DAPK1: variants seen among roughly 807,000 people sequenced by gnomAD.
DAPK1 encodes the protein death associated protein kinase 1, also known as death-associated protein kinase 1.
Under a neutral mutation model 144.9 loss-of-function variants are expected in DAPK1, and 56 were observed. The observed-to-expected ratio is 0.39, with a 90% confidence interval of 0.31 to 0.48. The LOEUF is 0.48. Among genes scored for constraint, DAPK1 ranks in the 20% least tolerant of loss-of-function variants. The pLI is 0.95. For synonymous variants in DAPK1, 690 were observed against 749.0 expected (o/e 0.92, Z 1.29); for missense variants, 1,454 against 1,875.4 (o/e 0.78, Z 4.15).
chr9:87,708,086 C>T lies in DAPK1; in HGVS notation c.*722C>T, dbSNP rs1438431821. 1 of 290,832 alleles carries T rather than the reference C, an allele frequency of 3.4e-6. No homozygotes were observed. The highest frequency in any genetic ancestry group is 2.2e-5 in the African/African-American group (1 of 44,948). The allele number at this position is 290,832 out of a possible 1,614,324, so 18.0% of individuals were successfully genotyped here. ...CAAGGAAAGGGGAGAAGGGAATCCT[C>T]CTCCAGGGTGATTTTATGATCAGTG... On this transcript the variant is annotated 3_prime_UTR_variant, in exon 26 of 26. Transcript: ENST00000408954.
chr9:87,665,571 T>C (rs1005090), intron 18 of DAPK1, among the ~76,000 whole-genome samples: 2 of 152,238 alleles, frequency 1.3e-5, no homozygotes, highest in African/African-American at 4.8e-5. Flanking sequence ...ATCTGTTCCT[T>C]TGCGAAGCAT....
chr9:87,573,190 A>G (rs1164195006), intron 2 of DAPK1, among the ~76,000 whole-genome samples: 1 of 152,204 alleles, frequency 6.6e-6, no homozygotes, highest in Non-Finnish European at 1.5e-5. Context: ...CATGTGCTGA[A>G]GGGTGTGTAC....
rs953872172 is a variant in DAPK1 at position 87,698,770 on chromosome 9, C to T, written c.2726C>T (p.Ser909Leu). ...GGEFGYDKDT[S>L]LLKEIRNRFG... ...GAGTTTGGATATGACAAAGACACAT[C>T]GTTGCTGAAAGAGATTAGGAACAGG... The change falls in exon 23 of 26, where the codon TCG becomes TTG. Residue 909 changes from serine (S) to leucine (L), a missense_variant. Physicochemically the swap from Ser to Leu is moderately radical, Grantham distance 145. Around this residue, in one of 2 missense-constraint regions of DAPK1, gnomAD observed 1,025 missense variants for 1,237.9 expected, o/e 0.83. Transcript: ENST00000408954. 4.4e-6 allele frequency: 7 copies of T among 1,606,922 alleles called. No homozygotes were observed. The highest frequency in any genetic ancestry group is 1.7e-5 in the Admixed American group (1 of 60,000).
At chr9:87,630,666 C>T (rs2119090069) in intron 3 of DAPK1, among the ~76,000 whole-genome samples, 1 of 152,248 alleles carries the variant, frequency 6.6e-6, no homozygotes, top group South Asian at 2.1e-4. Flanking sequence ...GGGAAATGCC[C>T]CTTAGTTGTG....
chr9:87,612,901 G>A (rs1266593476), intron 3 of DAPK1, among the ~76,000 whole-genome samples: 1 of 152,150 alleles, frequency 6.6e-6, no homozygotes, highest in Non-Finnish European at 1.5e-5. Context: ...ATGTCTGAAA[G>A]GTTACCATGT....
chr9:87,638,733 T>C (rs1266143299), intron 4 of DAPK1, among the ~76,000 whole-genome samples: 1 of 152,186 alleles, frequency 6.6e-6, no homozygotes, highest in Non-Finnish European at 1.5e-5. Context: ...AGAGCTGGGA[T>C]AGGATTTCAG....
intron 2 of DAPK1, among the ~76,000 whole-genome samples, chr9:87,535,582 C>T (rs1258859530): frequency 8.6e-5 from 13 of 151,390 alleles, no homozygotes; most frequent in African/African-American, 3.2e-4. Context: ...ATTTTTTTTT[C>T]TCCAAGAAAG....
chr9:87,658,440 T>C (rs576529150), intron 18 of DAPK1, among the ~76,000 whole-genome samples: 69 of 152,208 alleles, frequency 4.5e-4, no homozygotes, highest in African/African-American at 1.6e-3. Context: ...TACTTCCCCT[T>C]CCTAAATGCT....
intron 2 of DAPK1, among the ~76,000 whole-genome samples, chr9:87,500,388 G>C (rs1368631813): frequency 6.6e-6 from 1 of 152,166 alleles, no homozygotes; most frequent in Non-Finnish European, 1.5e-5. Context: ...AAGTTTAAGA[G>C]TGTGTGGGTG....
At position 87,642,676 on chromosome 9, in the gene DAPK1, C is replaced by T. The variant is rs531046151; in HGVS notation, c.918+618C>T. Among the ~76,000 whole-genome samples the T allele has an allele frequency of 3.3e-5, 5 of 152,224 alleles. No homozygotes were observed. The East Asian group carries it at 5.8e-4, about 18-fold the overall frequency. ...AAACCTAGAGGAAGTGGGTACCTAC[C>T]GTGTCTTCCCAGCTCAGGGCCAGAA... On this transcript the variant is annotated intron_variant, in intron 10 of 25. Transcript: ENST00000408954.
chr9:87,498,641 G>A (rs1311840746), intron 1 of DAPK1: 21 of 348,524 alleles, frequency 6.0e-5, no homozygotes, highest in Non-Finnish European at 9.2e-5. Flanking sequence ...CTGGAGGTGG[G>A]AAAGCTGGGT....
At chr9:87,687,320 TC>T (rs1824899486) in intron 21 of DAPK1, among the ~76,000 whole-genome samples, 1 of 152,214 alleles carries the variant, frequency 6.6e-6, no homozygotes, top group Non-Finnish European at 1.5e-5. Context: ...CTGGTATCTA[TC>T]ATTCTACTCC....
chr9:87,557,556 T>C (rs1289863482), intron 2 of DAPK1, among the ~76,000 whole-genome samples: 4 of 152,216 alleles, frequency 2.6e-5, no homozygotes, highest in Non-Finnish European at 5.9e-5. Context: ...ATTAGATTTT[T>C]TTTCTATCTC....
At chr9:87,660,659 G>C (rs944267095) in intron 18 of DAPK1, among the ~76,000 whole-genome samples, 10 of 151,752 alleles carry the variant, frequency 6.6e-5, no homozygotes, top group Non-Finnish European at 1.5e-5. Context: ...CCAAGTCCCC[G>C]TTGTCCATCA....
At chr9:87,571,510 C>CCCCA (rs1412968975) in intron 2 of DAPK1, among the ~76,000 whole-genome samples, 1 of 147,798 alleles carries the variant, frequency 6.8e-6, no homozygotes, top group Non-Finnish European at 1.5e-5. Flanking sequence ...CACACACACA[C>CCCCA]ACACACACAC....
chr9:87,581,909 C>T (rs910564556), intron 2 of DAPK1, among the ~76,000 whole-genome samples: 4 of 152,146 alleles, frequency 2.6e-5, no homozygotes, highest in African/African-American at 9.7e-5. Context: ...TTGAGACACT[C>T]GGGCTTAATG....
At chr9:87,644,163 A>G (rs1345106981) in intron 11 of DAPK1, among the ~76,000 whole-genome samples, 1 of 152,154 alleles carries the variant, frequency 6.6e-6, no homozygotes, top group Non-Finnish European at 1.5e-5. Context: ...TTTCCTTTGT[A>G]ATTAGAAATG....
chr9:87,587,906 CAACTATATACAAT>C (rs1237205607), intron 2 of DAPK1, among the ~76,000 whole-genome samples: 2 of 152,180 alleles, frequency 1.3e-5, no homozygotes, highest in African/African-American at 4.8e-5. Flanking sequence ...TGGTTTTAAG[CAACTATATACAAT>C]AATAGTAATC....
At chr9:87,534,338 A>G (rs36230893) in intron 2 of DAPK1, among the ~76,000 whole-genome samples, 157 of 151,434 alleles carry the variant, frequency 1.0e-3, no homozygotes, top group African/African-American at 3.5e-3. Flanking sequence ...GCCTCTCCCA[A>G]TCATTGCTCT....
Sources: gnomAD v4.1 joint callset for allele counts (sites outside exome capture counted in the v4.1 genomes callset) on GRCh38, gnomAD v4.1.1 for gene constraint, gnomAD v4.1.1 regional missense constraint, MANE v1.5 for transcripts, NCBI Gene and HGNC (gene_info 2026-07-23, HGNC 2026-07-21) for gene names.